Variants in SERPINB5 observed in about 807,000 individuals in gnomAD.
SERPINB5 encodes serpin family B member 5, also known as serpin B5.
In SERPINB5, 27 loss-of-function variants were observed where a neutral mutation model predicts 32.2. The ratio of observed to expected loss-of-function variants is 0.84; its 90% confidence interval spans 0.62 to 1.16. SERPINB5 has a LOEUF of 1.16. Ranked by LOEUF, SERPINB5 falls within the 50% of genes most tolerant of loss-of-function variation. The pLI is 0.00. For missense variants in SERPINB5, 388 were observed against 436.3 expected (o/e 0.89, Z 0.99); for synonymous variants, 154 against 157.4 (o/e 0.98, Z 0.16).
intron 1 of SERPINB5, among the ~76,000 whole-genome samples, chr18:63,482,028 A>T (rs535017671): frequency 1.3e-5 from 2 of 152,322 alleles, no homozygotes; most frequent in South Asian, 4.1e-4. Context: ...GAGAAGGAGG[A>T]AGCCCATGGA....
Position 63,498,275 on chromosome 18 carries a change from G to A in SERPINB5, c.568-845G>A, listed in dbSNP as rs1909491633. On this transcript the variant is annotated intron_variant, in intron 5 of 6. Transcript: ENST00000382771. This position sits in a 1 kb window ranked among gnomAD's most constrained non-coding sequence, Gnocchi z 4.2. ...TGGCTGACTTTTGTATTTTTTAGTAGAGACAAGGTTTCACCATGTTGGCCA... is the reference window on the plus strand; with the variant it reads ...TGGCTGACTTTTGTATTTTTTAGTAAAGACAAGGTTTCACCATGTTGGCCA... Among the ~76,000 whole-genome samples the A allele has an allele frequency of 6.6e-6, 1 of 152,080 alleles. No individual in the cohort carries two copies. The highest frequency in any genetic ancestry group is 6.6e-5 in the Admixed American group (1 of 15,262).
At chr18:63,503,268 G>C in intron 6 of SERPINB5, 62 bp from the exon 7 acceptor site, 1 of 1,509,086 alleles carries the variant, frequency 6.6e-7, no homozygotes, top group South Asian at 1.2e-5. Flanking sequence ...GTTTTCAATT[G>C]AGCCAGGTCT....
rs1189175148 is a variant in SERPINB5 at position 63,499,157 on chromosome 18, C to A, written c.605C>A (p.Ala202Asp). ...TKPVQMMNME[A>D]TFCMGNIDSI... The stretch of plus-strand genomic sequence containing the variant: ...CCAGTGCAGATGATGAACATGGAGG[C>A]CACGTTCTGTATGGGAAACATTGAC... Residue 202 changes from alanine to aspartate, a missense_variant, in exon 6 of 7, where the codon GCC becomes GAC. Ala to Asp is a moderately radical substitution (Grantham distance 126). Coordinates refer to ENST00000382771, the MANE Select transcript of SERPINB5 (RefSeq NM_002639.5). 17 of 1,585,304 alleles carry A rather than the reference C, an allele frequency of 1.1e-5. No homozygotes were observed. The highest frequency in any genetic ancestry group is 1.4e-5 in the Non-Finnish European group (16 of 1,164,892).
At chr18:63,492,827 G>T in intron 4 of SERPINB5, 126 bp from the exon 5 acceptor site, 2 of 1,159,982 alleles carry the variant, frequency 1.7e-6, no homozygotes, top group South Asian at 1.5e-5. Flanking sequence ...TTTGATGGTT[G>T]GAACCATCAG....
intron 5 of SERPINB5, among the ~76,000 whole-genome samples, chr18:63,494,696 C>A (rs1909413051): frequency 6.6e-6 from 1 of 152,174 alleles, no homozygotes; most frequent in Non-Finnish European, 1.5e-5. Context: ...AGCCGGATGG[C>A]TTCCATTACT....
At chr18:63,484,739 A>AAATTTTTTT in intron 2 of SERPINB5, 143 bp downstream of exon 2, 4 of 144,442 alleles carry the variant, frequency 2.8e-5, no homozygotes, top group Non-Finnish European at 3.8e-5. Context: ...GACTCTCTTA[A>AAATTTTTTT]TCTTTTTTTT....
Position 63,492,969 on chromosome 18 carries a change from T to G in SERPINB5, c.441T>G (p.Ile147Met). 1 of 1,612,034 alleles carries G rather than the reference T, an allele frequency of 6.2e-7. No individual in the cohort carries two copies. The highest frequency in any genetic ancestry group is 8.5e-7 in the Non-Finnish European group (1 of 1,178,738). The stretch of plus-strand genomic sequence containing the variant: ...TTGTTGCAGGCCACTTTGAGAACAT[T>G]TTAGCTGACAACAGTGTGAACGACC... ...KDLTDGHFEN[I>M]LADNSVNDQT... The change falls in exon 5 of 7, where the codon ATT (isoleucine) becomes ATG (methionine). Residue 147 changes from isoleucine to methionine, a missense_variant. Transcript: ENST00000382771.
intron 4 of SERPINB5, among the ~76,000 whole-genome samples, chr18:63,491,404 CA>C (rs1555670766): frequency 0.011 from 918 of 81,436 alleles, 6 homozygotes; most frequent in African/African-American, 0.04. Context: ...CTGCGTCTCC[CA>C]AAAAAAAAAA....
rs759905433 is a variant in SERPINB5 at position 63,503,649 on chromosome 18, A to G, written c.1055A>G (p.His352Arg). ...LQHKDELNADHPFIYIIRHNK... is the reference protein window; with the variant it reads ...LQHKDELNADRPFIYIIRHNK... ...CACAAGGATGAATTGAATGCTGACC[A>G]TCCCTTTATTTACATCATCAGGCAC... Residue 352 changes from histidine to arginine, a missense_variant, in exon 7 of 7, where the codon CAT becomes CGT. Transcript: ENST00000382771. 7 of 1,614,104 alleles carry G rather than the reference A, an allele frequency of 4.3e-6. No homozygotes were observed. In the South Asian group the frequency reaches 5.5e-5, roughly 13 times the overall value.
chr18:63,493,932 T>C (rs749501093), intron 5 of SERPINB5, among the ~76,000 whole-genome samples: 28 of 152,240 alleles, frequency 1.8e-4, no homozygotes, highest in South Asian at 4.2e-4. Context: ...AAACAAAGTA[T>C]GGCTTACTCA....
At position 63,493,447 on chromosome 18, in the gene SERPINB5, T is replaced by C. The variant is rs183673551; in HGVS notation, c.567+352T>C. The C allele has an allele frequency of 3.9e-5, 19 of 488,148 alleles. No homozygotes were observed. In the East Asian group the frequency reaches 5.6e-4, roughly 14 times the overall value. The allele number at this position is 488,148 out of a possible 1,614,324, so 30.2% of individuals were successfully genotyped here. A position where few individuals can be genotyped will look rare whatever the true frequency, so the allele number is the denominator to read the frequency against. The stretch of plus-strand genomic sequence containing the variant: ...TCTGTTATCAGAGGACTTTGGATTA[T>C]CATGAAACCTTGACATCTAGGAATC... On this transcript the variant is annotated intron_variant, in intron 5 of 6. Coordinates refer to ENST00000382771, the MANE Select transcript of SERPINB5 (RefSeq NM_002639.5).
In SERPINB5 at chr18:63,503,885, T is replaced by TG. The variant is rs906697329; in HGVS notation, c.*163_*164insG. 1 of 609,816 alleles carries TG rather than the reference T, an allele frequency of 1.6e-6. No individual in the cohort carries two copies. The highest frequency in any genetic ancestry group is 3.2e-5 in the Admixed American group (1 of 31,290). 37.8% of individuals were successfully genotyped at this position (609,816 alleles called of 1,614,324 possible). A position where few individuals can be genotyped will look rare whatever the true frequency, so the allele number is the denominator to read the frequency against. On this transcript the variant is annotated 3_prime_UTR_variant, in exon 7 of 7. Transcript: ENST00000382771. The stretch of plus-strand genomic sequence containing the variant: ...ATGTAGCCTTCACACAGATAGACCT[T>TG]TTTTTTTTTTCCAATTCTATCTTTT...
Position 63,492,934 on chromosome 18 carries a change from T to C in SERPINB5, c.425-19T>C. 1 of 1,602,528 alleles carries C rather than the reference T, an allele frequency of 6.2e-7. No homozygotes were observed. The highest frequency in any genetic ancestry group is 2.2e-5 in the East Asian group (1 of 44,706). On this transcript the variant is annotated intron_variant, in intron 4 of 6. Coordinates refer to ENST00000382771, the MANE Select transcript of SERPINB5 (RefSeq NM_002639.5). ...GGAAGAATAATTCTGCTACTTGTGT[T>C]TTCCTAAAATTGTTGCAGGCCACTT...
At chr18:63,501,996 C>T (rs1909579798) in intron 6 of SERPINB5, among the ~76,000 whole-genome samples, 3 of 152,032 alleles carry the variant, frequency 2.0e-5, no homozygotes, top group Admixed American at 2.0e-4. Context: ...CTGTAGGTTG[C>T]CTGTTCACTC....
In SERPINB5 at chr18:63,499,230, C is replaced by G; in HGVS notation, c.678C>G (p.Leu226=). 1 of 1,600,970 alleles carries G rather than the reference C, an allele frequency of 6.2e-7. No homozygotes were observed. The highest frequency in any genetic ancestry group is 8.5e-7 in the Non-Finnish European group (1 of 1,173,148). The change falls in exon 6 of 7, where the codon CTC becomes CTG. Residue 226 remains leucine, a synonymous_variant. Coordinates refer to ENST00000382771, the MANE Select transcript of SERPINB5 (RefSeq NM_002639.5). The stretch of plus-strand genomic sequence containing the variant: ...AGCTTCCTTTTCAAAATAAGCATCT[C>G]AGCATGTTCATCCTACTACCCAAGG... ...IIELPFQNKH[L]SMFILLPKDV...
Position 63,499,238 on chromosome 18 carries a change from T to A in SERPINB5, c.686T>A (p.Phe229Tyr). 6.2e-7 allele frequency: 1 copy of A among 1,600,718 alleles called. No individual in the cohort carries two copies. The highest frequency in any genetic ancestry group is 8.5e-7 in the Non-Finnish European group (1 of 1,172,984). The change falls in exon 6 of 7, where the codon TTC becomes TAC. Residue 229 changes from phenylalanine (F) to tyrosine (Y), a missense_variant. Coordinates refer to ENST00000382771, the MANE Select transcript of SERPINB5 (RefSeq NM_002639.5). ...LPFQNKHLSM[F>Y]ILLPKDVEDE... ...TTTCAAAATAAGCATCTCAGCATGT[T>A]CATCCTACTACCCAAGGATGTGGAG...
rs1909517558 is a variant in SERPINB5 at position 63,499,122 on chromosome 18, A to G, written c.570A>G (p.Thr190=). The G allele has an allele frequency of 2.7e-6, 4 of 1,496,406 alleles. No homozygotes were observed. The highest frequency in any genetic ancestry group is 3.6e-6 in the Non-Finnish European group (4 of 1,117,836). 92.7% of individuals were successfully genotyped at this position (1,496,406 alleles called of 1,614,324 possible). ...AGTCCAAATTTTCCCTTTTACAGACAGACACCAAACCAGTGCAGATGATGA... is the reference window on the plus strand; with the variant it reads ...AGTCCAAATTTTCCCTTTTACAGACGGACACCAAACCAGTGCAGATGATGA... The part of the protein sequence containing the change: ...TKECPFRVNK[T]DTKPVQMMNM... Residue 190 remains threonine, a splice_region_variant and synonymous_variant, in exon 6 of 7, where the codon ACA becomes ACG. Transcript: ENST00000382771.
chr18:63,495,803 G>GT (rs1909434776), intron 5 of SERPINB5, among the ~76,000 whole-genome samples: 1 of 152,194 alleles, frequency 6.6e-6, no homozygotes, highest in Admixed American at 6.5e-5. Flanking sequence ...ATCTCTCAGT[G>GT]TTTCACTTGA....
chr18:63,483,965 C>T (rs1048338356), intron 1 of SERPINB5, among the ~76,000 whole-genome samples: 3 of 152,248 alleles, frequency 2.0e-5, no homozygotes, highest in African/African-American at 7.2e-5. Context: ...CAACCCATTA[C>T]ACTTACTAAA....
Sources: allele counts gnomAD v4.1 joint callset (sites outside exome capture counted in the v4.1 genomes callset), GRCh38; gene constraint gnomAD v4.1.1; non-coding constraint Gnocchi (gnomAD v3.1); transcripts MANE v1.5; gene names NCBI Gene and HGNC (gene_info 2026-07-23, HGNC 2026-07-21).